Variants in NUP37 observed in about 807,000 individuals in gnomAD.
NUP37 encodes nucleoporin Nup37.
NUP37 carries 33 observed loss-of-function variants against 45.4 expected under a neutral mutation model. The ratio of observed to expected loss-of-function variants is 0.73; its 90% confidence interval spans 0.55 to 0.97. The LOEUF (loss-of-function observed/expected upper bound fraction) is 0.97, where lower values mean the gene tolerates loss of function less well. Ranked by LOEUF, NUP37 falls within the 50% of genes least tolerant of loss-of-function variation. NUP37 has a pLI of 0.00. For synonymous variants in NUP37, 127 were observed against 130.7 expected (o/e 0.97, Z 0.19); for missense variants, 365 against 389.7 (o/e 0.94, Z 0.53).
At chr12:102,111,802 A>G (rs534692394) in intron 3 of NUP37, among the ~76,000 whole-genome samples, 1 of 152,352 alleles carries the variant, frequency 6.6e-6, no homozygotes, top group South Asian at 2.1e-4. Context: ...TTTAAGTTAT[A>G]CTTTCAATAA....
chr12:102,082,800 A>G (rs1879366044), intron 6 of NUP37, among the ~76,000 whole-genome samples: 1 of 152,242 alleles, frequency 6.6e-6, no homozygotes, highest in Non-Finnish European at 1.5e-5. Context: ...AAGACTTTAG[A>G]AACAAGCTAA....
In NUP37 at chr12:102,079,044, C is replaced by T. The variant is rs1396931982; in HGVS notation, c.541-1541G>A. The T allele has an allele frequency of 1.7e-5, 6 of 358,610 alleles. No individual in the cohort carries two copies. The Admixed American group carries it at 2.2e-4, about 13-fold the overall frequency. The allele number at this position is 358,610 out of a possible 1,614,324, so 22.2% of individuals were successfully genotyped here. ...AAATGCTTTTCCACTCTCTACATCTCTGTAAAGTCCTTACTTTTAAGCAGT... is the reference window on the plus strand; with the variant it reads ...AAATGCTTTTCCACTCTCTACATCTTTGTAAAGTCCTTACTTTTAAGCAGT... On this transcript the variant is annotated intron_variant, in intron 6 of 9. Coordinates refer to ENST00000552283, the MANE Select transcript of NUP37 (RefSeq NM_024057.4).
intron 5 of NUP37, among the ~76,000 whole-genome samples, chr12:102,093,026 G>T (rs1443991899): frequency 3.3e-5 from 5 of 152,040 alleles, no homozygotes; most frequent in Admixed American, 2.0e-4. Flanking sequence ...ATTATTATTA[G>T]AAGTTTTACT....
chr12:102,079,849 G>A (rs780469730), intron 6 of NUP37, among the ~76,000 whole-genome samples: 23 of 152,178 alleles, frequency 1.5e-4, no homozygotes, highest in Non-Finnish European at 2.5e-4. Flanking sequence ...AGAAGCCAGA[G>A]TTCACCTTGT....
At chr12:102,119,584 T>C (rs975281815) in intron 1 of NUP37, among the ~76,000 whole-genome samples, 2 of 152,102 alleles carry the variant, frequency 1.3e-5, no homozygotes, top group Non-Finnish European at 2.9e-5. Context: ...GTAACAAACA[T>C]ATCAAGCACC....
intron 3 of NUP37, 30 bp downstream of exon 3, chr12:102,112,077 TA>T (rs781588592): frequency 1.9e-6 from 3 of 1,601,604 alleles, no homozygotes; most frequent in Non-Finnish European, 2.6e-6. Context: ...AGTACATTAG[TA>T]AGGAATGCAT....
intron 2 of NUP37, chr12:102,115,820 TCAAGA>T (rs763834884): frequency 2.3e-4 from 223 of 982,700 alleles, no homozygotes; most frequent in Admixed American, 3.7e-4. Flanking sequence ...TAGTTTTCTC[TCAAGA>T]CAAGAGGCAT....
At chr12:102,082,845 G>C (rs1052705976) in intron 6 of NUP37, among the ~76,000 whole-genome samples, 1 of 152,312 alleles carries the variant, frequency 6.6e-6, no homozygotes, top group Admixed American at 6.5e-5. Flanking sequence ...AAGAAAGGGG[G>C]AGAATGCACC....
chr12:102,099,288 A>G, intron 4 of NUP37, 88 bp from the exon 5 acceptor site: 1 of 876,086 alleles, frequency 1.1e-6, no homozygotes, highest in Non-Finnish European at 1.9e-6. Flanking sequence ...TCACTGCCTT[A>G]AAAGCTTTCA....
chr12:102,103,154 T>G (rs551793639), intron 3 of NUP37, among the ~76,000 whole-genome samples: 2 of 152,164 alleles, frequency 1.3e-5, no homozygotes, highest in South Asian at 4.1e-4. Context: ...TTTTGATAGA[T>G]AGGCATTGCA....
chr12:102,114,516 G>A (rs1443044945), intron 2 of NUP37, among the ~76,000 whole-genome samples: 1 of 152,146 alleles, frequency 6.6e-6, no homozygotes, highest in Admixed American at 6.5e-5. Context: ...GAATTGTATA[G>A]GCAGGAAATT....
At chr12:102,098,878 T>C (rs942630259) in intron 5 of NUP37, among the ~76,000 whole-genome samples, 1 of 152,108 alleles carries the variant, frequency 6.6e-6, no homozygotes, top group Non-Finnish European at 1.5e-5. Flanking sequence ...AAATAAGAGA[T>C]AAAAGACACC....
At chr12:102,078,096 G>A (rs992863826) in intron 6 of NUP37, among the ~76,000 whole-genome samples, 39 of 151,966 alleles carry the variant, frequency 2.6e-4, no homozygotes, top group Non-Finnish European at 5.3e-4. Flanking sequence ...GGGAGGCTGA[G>A]GCGGGCAGAT....
intron 8 of NUP37, 28 bp from the exon 9 acceptor site, chr12:102,075,122 G>T: frequency 7.0e-7 from 1 of 1,423,134 alleles, no homozygotes; most frequent in Non-Finnish European, 9.9e-7. Context: ...GTAAAATTAA[G>T]TATCGTATCC....
chr12:102,118,592 T>A lies in NUP37; in HGVS notation c.-65-9A>T. The A allele has an allele frequency of 7.4e-7, 1 of 1,348,090 alleles. No homozygotes were observed. Among genetic ancestry groups the A allele is most frequent in the Non-Finnish European group, 1.0e-6 (1 of 972,474 alleles). 83.5% of individuals were successfully genotyped at this position (1,348,090 alleles called of 1,614,324 possible). A position where few individuals can be genotyped will look rare whatever the true frequency, so the allele number is the denominator to read the frequency against. ...TGGACAAGGTCACGAAACTGTGGATTAGAGCACAGGTACAATTACAATGGT... is the reference window on the plus strand; with the variant it reads ...TGGACAAGGTCACGAAACTGTGGATAAGAGCACAGGTACAATTACAATGGT... On this transcript the variant is annotated splice_polypyrimidine_tract_variant and intron_variant, in intron 1 of 9. Transcript: ENST00000552283.
chr12:102,110,623 G>A lies in NUP37; in HGVS notation c.281+1485C>T, dbSNP rs143740905. The stretch of plus-strand genomic sequence containing the variant: ...TTTGGGAGGCCAAGGCACATGGATT[G>A]CCTGAGCTCAGGAGTTTGAGGCCAG... On this transcript the variant is annotated intron_variant, in intron 3 of 9. Coordinates refer to ENST00000552283, the MANE Select transcript of NUP37 (RefSeq NM_024057.4). Among the ~76,000 whole-genome samples, 854 of 152,230 alleles carry A rather than the reference G, an allele frequency of 5.6e-3. 7 individuals are homozygous for A. Among genetic ancestry groups the A allele is most frequent in the African/African-American group, 0.02 (816 of 41,528 alleles).
chr12:102,102,620 C>G (rs770050736), intron 3 of NUP37, among the ~76,000 whole-genome samples: 3 of 152,172 alleles, frequency 2.0e-5, no homozygotes, highest in Admixed American at 6.5e-5. Flanking sequence ...TTCCACTTGT[C>G]TAGTTTTGCT....
At chr12:102,086,661 C>T (rs367794237) in intron 5 of NUP37, among the ~76,000 whole-genome samples, 27 of 152,300 alleles carry the variant, frequency 1.8e-4, no homozygotes, top group African/African-American at 5.3e-4. Flanking sequence ...AATGCTATCC[C>T]TCACCCACTG....
rs998906011 is a variant in NUP37, at chr12:102,108,992, C to T, written c.281+3116G>A. The stretch of plus-strand genomic sequence containing the variant: ...AAAATGTCAGCAAATAGAGGAGTTA[C>T]AGTAATCAAAGAATACTTACTTAAA... On this transcript the variant is annotated intron_variant, in intron 3 of 9. Transcript: ENST00000552283. Among the ~76,000 whole-genome samples the T allele has an allele frequency of 6.6e-5, 10 of 152,300 alleles. No homozygotes were observed. In the South Asian group the frequency reaches 1.7e-3, roughly 25 times the overall value.
Sources: gnomAD v4.1 joint callset for allele counts (sites outside exome capture counted in the v4.1 genomes callset) on GRCh38, gnomAD v4.1.1 for gene constraint, MANE v1.5 for transcripts, NCBI Gene and HGNC (gene_info 2026-07-23, HGNC 2026-07-21) for gene names.